DLGAP2: variants seen among roughly 807,000 people sequenced by gnomAD.
DLGAP2 encodes the protein DLG associated protein 2.
DLGAP2 carries 26 observed loss-of-function variants against 100.3 expected under a neutral mutation model. The ratio of observed to expected loss-of-function variants is 0.26; its 90% CI spans 0.19 to 0.36. The LOEUF (loss-of-function observed/expected upper bound fraction) is 0.36. Among genes scored for constraint, DLGAP2 ranks in the 10% least tolerant of loss-of-function variants. The pLI is 1.00. For missense variants in DLGAP2, 1,858 were observed against 1,453.2 expected (o/e 1.28, Z -4.53); for synonymous variants, 886 against 630.1 (o/e 1.41, Z -6.08).
intron 3 of DLGAP2, among the ~76,000 whole-genome samples, chr8:1,293,337 CAT>C (rs1320389316): frequency 3.9e-5 from 6 of 152,102 alleles, no homozygotes; most frequent in South Asian, 2.1e-4. Flanking sequence ...ACGGCTGAGC[CAT>C]GGCTCCTTCC....
chr8:1,549,491 C>T lies in DLGAP2; in HGVS notation c.1038C>T (p.Asn346=). 6.2e-7 allele frequency: 1 copy of T among 1,613,542 alleles called. No individual in the cohort carries two copies. Among genetic ancestry groups the T allele is most frequent in the Non-Finnish European group, 8.5e-7 (1 of 1,179,840 alleles). ...GDLSLKTSKS[N]NDVKCSACEG... is the part of the protein sequence containing the mutation. ...TGTCCCTCAAGACCTCCAAGAGCAA[C>T]AACGACGTCAAGTGCTCGGCCTGTG... is the stretch of plus-strand genomic sequence containing the variant. Residue 346 remains asparagine, a synonymous_variant, in exon 5 of 15, where the codon AAC becomes AAT. Transcript: ENST00000637795.
chr8:967,428 G>C (rs1799898864), intron 2 of DLGAP2, among the ~76,000 whole-genome samples: 1 of 152,100 alleles, frequency 6.6e-6, no homozygotes, highest in South Asian at 2.1e-4. Context: ...TTGATTCTAA[G>C]AAAAAGTAGC....
intron 2 of DLGAP2, among the ~76,000 whole-genome samples, chr8:1,073,733 C>T (rs141951630): frequency 6.6e-5 from 10 of 152,336 alleles, no homozygotes; most frequent in African/African-American, 2.2e-4. Context: ...ATTTCCCATG[C>T]ACGGCTCCCA....
chr8:824,584 G>A lies in DLGAP2; in HGVS notation c.19-83328G>A, dbSNP rs548053395. Among the ~76,000 whole-genome samples the A allele has an allele frequency of 2.7e-5, 4 of 149,632 alleles. No individual in the cohort carries two copies. In the East Asian group the frequency reaches 6.0e-4, roughly 23 times the overall value. Reference sequence around the variant, plus strand: ...CCCCCACCTGTGTTCCCCTTGTCCTGGCCCCAGTCCTGGCTCCGGGAGCTT... The same window carrying A: ...CCCCCACCTGTGTTCCCCTTGTCCTAGCCCCAGTCCTGGCTCCGGGAGCTT... On this transcript the variant is annotated intron_variant, in intron 1 of 14. Coordinates refer to ENST00000637795, the MANE Select transcript of DLGAP2 (RefSeq NM_001346810.2).
In DLGAP2 at chr8:1,219,286, A is replaced by T. The variant is rs565279211; in HGVS notation, c.74-39565A>T. ...CATAGATGGCTCTTATTTTGAGATA[A>T]GTTCCTCTGATGACTAGTTTGTGAG... On this transcript the variant is annotated intron_variant, in intron 2 of 14. Coordinates refer to ENST00000637795, the MANE Select transcript of DLGAP2 (RefSeq NM_001346810.2). 6.6e-5 allele frequency among the ~76,000 whole-genome samples: 10 copies of T among 152,246 alleles called. No homozygotes were observed. The South Asian group carries it at 2.1e-3, about 32-fold the overall frequency.
chr8:981,547 G>C (rs74907752), intron 2 of DLGAP2, among the ~76,000 whole-genome samples: 50 of 152,204 alleles, frequency 3.3e-4, no homozygotes, highest in African/African-American at 1.1e-3. Flanking sequence ...TACCAGCAGC[G>C]TACGAGGGTT....
intron 2 of DLGAP2, among the ~76,000 whole-genome samples, chr8:1,006,207 C>A (rs1241728953): frequency 1.3e-5 from 2 of 152,204 alleles, no homozygotes; most frequent in Non-Finnish European, 2.9e-5. Context: ...AAGAAGAAAT[C>A]TCATGCCCCA....
intron 13 of DLGAP2, among the ~76,000 whole-genome samples, chr8:1,694,968 C>G (rs1373903583): frequency 6.6e-6 from 1 of 152,184 alleles, no homozygotes; most frequent in Admixed American, 6.5e-5. Flanking sequence ...CTGACCATGC[C>G]AGGCTGTGCC....
chr8:960,235 A>ATTTTTTTTTTTTTTTTT (rs1209692955), intron 2 of DLGAP2, among the ~76,000 whole-genome samples: 2 of 8,346 alleles, frequency 2.4e-4, no homozygotes, highest in African/African-American at 8.6e-4. Flanking sequence ...CCTGAAGTAT[A>ATTTTTTTTTTTTTTTTT]TCTTTTTTTT....
intron 2 of DLGAP2, among the ~76,000 whole-genome samples, chr8:1,062,559 A>G (rs1803118126): frequency 6.6e-6 from 1 of 152,216 alleles, no homozygotes; most frequent in South Asian, 2.1e-4. Context: ...CGGTGGCATC[A>G]GGTAGACAGT....
intron 2 of DLGAP2, among the ~76,000 whole-genome samples, chr8:966,942 A>T (rs2129011395): frequency 6.6e-6 from 1 of 152,384 alleles, no homozygotes. Context: ...CATACATCAG[A>T]TAAATCTACT....
chr8:1,558,990 A>G (rs886950605), intron 5 of DLGAP2, among the ~76,000 whole-genome samples: 9 of 152,210 alleles, frequency 5.9e-5, no homozygotes, highest in African/African-American at 2.2e-4. Flanking sequence ...AGAGAATATG[A>G]TGATATAATC....
At chr8:1,267,905 T>C (rs890452414) in intron 3 of DLGAP2, among the ~76,000 whole-genome samples, 1 of 152,178 alleles carries the variant, frequency 6.6e-6, no homozygotes, top group East Asian at 1.9e-4. Flanking sequence ...CCTGTAGTTT[T>C]GAATCAAATA....
At chr8:1,619,126 A>G (rs2130751729) in intron 6 of DLGAP2, among the ~76,000 whole-genome samples, 1 of 152,354 alleles carries the variant, frequency 6.6e-6, no homozygotes, top group African/African-American at 2.4e-5. Flanking sequence ...AATGCAGAAT[A>G]TGTCAAGAAC....
At chr8:1,453,092 C>G (rs1404943740) in intron 3 of DLGAP2, among the ~76,000 whole-genome samples, 3 of 151,924 alleles carry the variant, frequency 2.0e-5, no homozygotes, top group Non-Finnish European at 4.4e-5. Flanking sequence ...AAGAGAAATC[C>G]CTTGTAGAGG....
At chr8:1,473,017 G>T (rs192153967) in intron 3 of DLGAP2, among the ~76,000 whole-genome samples, 6 of 152,100 alleles carry the variant, frequency 3.9e-5, no homozygotes, top group Admixed American at 2.6e-4. Flanking sequence ...TGCAACCTCC[G>T]CCTCCCAGGT....
At chr8:1,274,373 A>T (rs1231964026) in intron 3 of DLGAP2, among the ~76,000 whole-genome samples, 1 of 152,100 alleles carries the variant, frequency 6.6e-6, no homozygotes, top group Non-Finnish European at 1.5e-5. Context: ...ATAAACCATA[A>T]AATAAGCCAA....
intron 2 of DLGAP2, chr8:1,018,712 A>G (rs1380292276): frequency 6.6e-6 from 1 of 152,260 alleles, no homozygotes; most frequent in Non-Finnish European, 1.5e-5. Flanking sequence ...TTTAGGTCAT[A>G]TTCCTTATCA....
At chr8:1,670,315 C>A (rs1440440694) in intron 10 of DLGAP2, among the ~76,000 whole-genome samples, 3 of 152,250 alleles carry the variant, frequency 2.0e-5, no homozygotes, top group African/African-American at 7.2e-5. Flanking sequence ...CCTGCCCCGC[C>A]CACAGCCAGG....
Sources: gnomAD v4.1 joint callset for allele counts (sites outside exome capture counted in the v4.1 genomes callset) on GRCh38, gnomAD v4.1.1 for gene constraint, MANE v1.5 for transcripts, NCBI Gene and HGNC (gene_info 2026-07-23, HGNC 2026-07-21) for gene names.